Variants in PCDH15 observed in about 807,000 individuals in gnomAD.
PCDH15 encodes the protein protocadherin related 15.
PCDH15 carries 129 observed loss-of-function variants against 178.5 expected under a neutral mutation model. The observed-to-expected ratio is 0.72, with a 90% CI of 0.63 to 0.84. The LOEUF (loss-of-function observed/expected upper bound fraction) is 0.84, where lower values mean the gene tolerates loss of function less well. Ranked by LOEUF, PCDH15 falls within the 40% of genes least tolerant of loss-of-function variation. The pLI is 0.00. For missense variants in PCDH15, 2,230 were observed against 2,099.9 expected (o/e 1.06, Z -1.21); for synonymous variants, 800 against 732.0 (o/e 1.09, Z -1.50).
intron 25 of PCDH15, among the ~76,000 whole-genome samples, chr10:53,917,988 TG>T (rs2083669692): frequency 1.3e-5 from 2 of 152,128 alleles, no homozygotes; most frequent in South Asian, 4.1e-4. Context: ...GGAAGCTTCC[TG>T]AGGCCCTCAT....
chr10:54,928,311 T>C (rs1837681955), intron 2 of PCDH15, among the ~76,000 whole-genome samples: 1 of 152,178 alleles, frequency 6.6e-6, no homozygotes, highest in Admixed American at 6.5e-5. Flanking sequence ...CTGCTATTAA[T>C]TAGTCTGATG....
At chr10:54,611,767 A>C (rs183187801) in intron 2 of PCDH15, among the ~76,000 whole-genome samples, 13 of 152,026 alleles carry the variant, frequency 8.6e-5, no homozygotes, top group Non-Finnish European at 1.5e-5. Flanking sequence ...CTAAACCAGC[A>C]TCATCAGCTT....
At chr10:54,865,721 A>T (rs1210878627) in intron 3 of PCDH15, among the ~76,000 whole-genome samples, 1 of 152,194 alleles carries the variant, frequency 6.6e-6, no homozygotes, top group African/African-American at 2.4e-5. Context: ...AGACAAAGGA[A>T]AATAACATGT....
At position 53,923,811 on chromosome 10, in the gene PCDH15, A is replaced by C. The variant is rs535702246; in HGVS notation, c.3373+15004T>G. On this transcript the variant is annotated intron_variant, in intron 25 of 37. Transcript: ENST00000644397. ...CCTTTGGCTAACAGGTCATCACTACATAAATTGTACTCATTTTTTCCACTG... is the reference window on the plus strand; with the variant it reads ...CCTTTGGCTAACAGGTCATCACTACCTAAATTGTACTCATTTTTTCCACTG... 3.7e-3 allele frequency among the ~76,000 whole-genome samples: 565 copies of C among 152,296 alleles called. 1 individual carries two copies. The highest frequency in any genetic ancestry group is 0.013 in the African/African-American group (551 of 41,558).
At chr10:54,847,890 C>T (rs1953542039) in intron 3 of PCDH15, among the ~76,000 whole-genome samples, 1 of 152,096 alleles carries the variant, frequency 6.6e-6, no homozygotes, top group Admixed American at 6.5e-5. Flanking sequence ...ATGGCAGGCA[C>T]AGGACTTGAA....
At chr10:55,108,415 GA>G (rs1198730367) in intron 2 of PCDH15, among the ~76,000 whole-genome samples, 1 of 152,090 alleles carries the variant, frequency 6.6e-6, no homozygotes, top group Non-Finnish European at 1.5e-5. Context: ...GTAGGAAGTA[GA>G]AAATAGACTG....
intron 25 of PCDH15, among the ~76,000 whole-genome samples, chr10:53,930,190 G>A (rs950790716): frequency 6.6e-6 from 1 of 151,652 alleles, no homozygotes; most frequent in Non-Finnish European, 1.5e-5. Flanking sequence ...TGGGCGCGGT[G>A]GTTCACGCCT....
At chr10:53,872,272 C>A (rs1222932062) in intron 26 of PCDH15, among the ~76,000 whole-genome samples, 2 of 152,256 alleles carry the variant, frequency 1.3e-5, no homozygotes, top group African/African-American at 4.8e-5. Flanking sequence ...CTCACTGCAT[C>A]GATTTAATTC....
chr10:54,427,920 T>C (rs190890692), intron 3 of PCDH15, among the ~76,000 whole-genome samples: 77 of 152,262 alleles, frequency 5.1e-4, no homozygotes, highest in African/African-American at 1.0e-3. Context: ...CTACAATTCC[T>C]CAGCATAAGA....
intron 4 of PCDH15, 48 bp from the exon 5 acceptor site, chr10:54,369,323 C>T (rs988620258): frequency 1.3e-6 from 2 of 1,546,650 alleles, no homozygotes; most frequent in South Asian, 1.1e-5. Context: ...AAAAACAAAG[C>T]TTCTCATCAC....
At position 54,731,559 on chromosome 10, in the gene PCDH15, TATATAC is replaced by T. The variant is rs1566067414; in HGVS notation, c.-28-67275_-28-67270del. 6.3e-4 allele frequency among the ~76,000 whole-genome samples: 32 copies of T among 50,616 alleles called. 1 individual carries two copies. Among genetic ancestry groups the T allele is most frequent in the Non-Finnish European group, 1.0e-3 (23 of 22,586 alleles). The allele number at this position is 50,616 out of a possible 152,430, so 33.2% of individuals were successfully genotyped here. A position where few individuals can be genotyped will look rare whatever the true frequency, so the allele number is the denominator to read the frequency against. On this transcript the variant is annotated intron_variant, in intron 1 of 37. Coordinates refer to ENST00000644397, the MANE Select transcript of PCDH15 (RefSeq NM_001384140.1). The stretch of plus-strand genomic sequence containing the variant: ...AATGTGAGATAGATATATATATATA[TATATAC>T]ACACACACACACACACACACACACA...
intron 2 of PCDH15, among the ~76,000 whole-genome samples, chr10:55,340,834 A>AATGGATT (rs1335128732): frequency 6.6e-6 from 1 of 152,082 alleles, no homozygotes; most frequent in African/African-American, 2.4e-5. Context: ...AAAGAAATTT[A>AATGGATT]ATGGATTTAT....
intron 1 of PCDH15, among the ~76,000 whole-genome samples, chr10:54,753,211 A>G (rs145585986): frequency 6.6e-6 from 1 of 152,146 alleles, no homozygotes; most frequent in Non-Finnish European, 1.5e-5. Flanking sequence ...TTTTCGAGAC[A>G]GGGTCTCTGT....
rs143644894 is a variant in PCDH15 at position 54,567,621 on chromosome 10, G to A, written c.92-39744C>T. 2.8e-3 allele frequency among the ~76,000 whole-genome samples: 432 copies of A among 152,052 alleles called. 4 individuals are homozygous for A. Among genetic ancestry groups the A allele is most frequent in the African/African-American group, 9.7e-3 (401 of 41,492 alleles). The stretch of plus-strand genomic sequence containing the variant: ...ATGAAATAGCATAACCTTTTGAATC[G>A]AATTGAATAGTTCAAGATCTCTATG... On this transcript the variant is annotated intron_variant, in intron 2 of 37. Coordinates refer to ENST00000644397, the MANE Select transcript of PCDH15 (RefSeq NM_001384140.1).
At chr10:55,078,740 C>T (rs1841969372) in intron 2 of PCDH15, among the ~76,000 whole-genome samples, 1 of 152,064 alleles carries the variant, frequency 6.6e-6, no homozygotes, top group South Asian at 2.1e-4. Context: ...GCAGTATACA[C>T]TGTACCAAAT....
chr10:53,851,335 T>G (rs2078343066), intron 28 of PCDH15, among the ~76,000 whole-genome samples: 1 of 152,020 alleles, frequency 6.6e-6, no homozygotes, highest in East Asian at 1.9e-4. Context: ...ATATGCCATT[T>G]TTATGCAATC....
chr10:54,565,300 T>A (rs542989399), intron 2 of PCDH15, among the ~76,000 whole-genome samples: 14 of 152,158 alleles, frequency 9.2e-5, no homozygotes, highest in African/African-American at 1.2e-4. Context: ...TGTGATCCCT[T>A]CTCCTGACTC....
At chr10:54,882,338 T>C (rs1236879310) in intron 3 of PCDH15, among the ~76,000 whole-genome samples, 1 of 152,044 alleles carries the variant, frequency 6.6e-6, no homozygotes, top group Admixed American at 6.6e-5. Flanking sequence ...AAGGAGCCAC[T>C]TTTTAAAGGA....
chr10:55,055,245 C>T (rs553998234), intron 2 of PCDH15, among the ~76,000 whole-genome samples: 1 of 152,210 alleles, frequency 6.6e-6, no homozygotes, highest in South Asian at 2.1e-4. Context: ...GCCTGTTATC[C>T]AAGCAACATT....
Sources: gnomAD v4.1 joint callset for allele counts (sites outside exome capture counted in the v4.1 genomes callset) on GRCh38, gnomAD v4.1.1 for gene constraint, MANE v1.5 for transcripts, NCBI Gene and HGNC (gene_info 2026-07-23, HGNC 2026-07-21) for gene names.